TRAPPC8: variants seen among roughly 807,000 people sequenced by gnomAD.
TRAPPC8 encodes the protein trafficking protein particle complex subunit 8, also known as general sporulation gene 1 homolog.
In TRAPPC8, 54 loss-of-function variants were observed where a neutral mutation model predicts 174.3. The observed-to-expected ratio is 0.31, with a 90% CI of 0.25 to 0.39. The LOEUF is 0.39. TRAPPC8 is among the 10% of genes least tolerant of loss of function. The probability of loss-of-function intolerance (pLI) is 1.00; values close to 1 mark genes in which losing one functional copy is unlikely to be tolerated. For synonymous variants in TRAPPC8, 630 were observed against 579.9 expected (o/e 1.09, Z -1.24); for missense variants, 1,531 against 1,699.1 (o/e 0.90, Z 1.74).
intron 22 of TRAPPC8, 26 bp from the exon 23 acceptor site, chr18:31,852,689 A>C: frequency 1.3e-6 from 2 of 1,593,878 alleles, no homozygotes; most frequent in Non-Finnish European, 1.7e-6. Flanking sequence ...GAAATTTCAA[A>C]GATGTTTCTC....
intron 22 of TRAPPC8, 156 bp from the exon 23 acceptor site, chr18:31,852,819 G>A (rs2033782648): frequency 1.5e-6 from 1 of 658,766 alleles, no homozygotes; most frequent in African/African-American, 1.8e-5. Context: ...TCAATGAAAT[G>A]ACCTCTTAAA....
intron 11 of TRAPPC8, among the ~76,000 whole-genome samples, chr18:31,895,255 T>G (rs527762331): frequency 6.6e-6 from 1 of 152,234 alleles, no homozygotes; most frequent in African/African-American, 2.4e-5. Context: ...CCTTTCTAGT[T>G]AACAAAATAC....
rs2032251343 is a variant in TRAPPC8 at position 31,829,771 on chromosome 18, T to A, written c.*984A>T. On this transcript the variant is annotated 3_prime_UTR_variant, in exon 29 of 29. Transcript: ENST00000283351. ...CTCCCTGCCACCCACTCCTACACCC[T>A]GTCTTCCCTCCTTCTCCAATGACAA... 1 of 152,350 alleles carries A rather than the reference T, an allele frequency of 6.6e-6. No homozygotes were observed. Among genetic ancestry groups the A allele is most frequent in the African/African-American group, 2.4e-5 (1 of 41,458 alleles). The allele number at this position is 152,350 out of a possible 1,614,324, so 9.4% of individuals were successfully genotyped here.
intron 1 of TRAPPC8, among the ~76,000 whole-genome samples, chr18:31,936,437 C>A (rs1481742683): frequency 1.3e-5 from 2 of 152,080 alleles, no homozygotes; most frequent in African/African-American, 4.8e-5. Context: ...TGTATCCAGC[C>A]TAGGTGACAA....
intron 5 of TRAPPC8, among the ~76,000 whole-genome samples, chr18:31,910,513 G>A (rs1361238364): frequency 6.6e-6 from 1 of 152,154 alleles, no homozygotes; most frequent in African/African-American, 2.4e-5. Flanking sequence ...TATTTTGAAA[G>A]TTGTCTTAAT....
chr18:31,897,978 C>T (rs566870608), intron 10 of TRAPPC8, 87 bp from the exon 11 acceptor site: 2 of 1,195,560 alleles, frequency 1.7e-6, no homozygotes, highest in East Asian at 5.1e-5. Flanking sequence ...ATTCCAATTA[C>T]AGTTTTAGAG....
At chr18:31,877,703 C>A (rs1481944505) in intron 12 of TRAPPC8, among the ~76,000 whole-genome samples, 1 of 150,824 alleles carries the variant, frequency 6.6e-6, no homozygotes, top group Non-Finnish European at 1.5e-5. Context: ...GCGGGTGGAT[C>A]ACCTGAGGTT....
At chr18:31,868,248 T>A (rs1378158824) in intron 16 of TRAPPC8, among the ~76,000 whole-genome samples, 1 of 152,160 alleles carries the variant, frequency 6.6e-6, no homozygotes, top group African/African-American at 2.4e-5. Flanking sequence ...ATGACATTAT[T>A]TAGCACAAGA....
At chr18:31,861,939 G>A (rs1344946201) in intron 19 of TRAPPC8, among the ~76,000 whole-genome samples, 9 of 64,464 alleles carry the variant, frequency 1.4e-4, no homozygotes, top group South Asian at 3.8e-4. Flanking sequence ...AAAAAAAAGG[G>A]GGGGGGGGGC....
At chr18:31,928,154 T>TAAAAA (rs905401658) in intron 2 of TRAPPC8, among the ~76,000 whole-genome samples, 1 of 147,732 alleles carries the variant, frequency 6.8e-6, no homozygotes, top group Non-Finnish European at 1.5e-5. Flanking sequence ...AGACTCCGAC[T>TAAAAA]AAAAAAAATA....
intron 1 of TRAPPC8, among the ~76,000 whole-genome samples, chr18:31,935,871 G>T (rs1170891844): frequency 3.3e-5 from 5 of 151,748 alleles, no homozygotes; most frequent in African/African-American, 7.3e-5. Flanking sequence ...GAGTAGCTGG[G>T]ATTACAGGCG....
chr18:31,846,173 T>C (rs1407369038), intron 26 of TRAPPC8, among the ~76,000 whole-genome samples: 1 of 152,164 alleles, frequency 6.6e-6, no homozygotes, highest in Non-Finnish European at 1.5e-5. Flanking sequence ...CATAACTGCA[T>C]CTTAATACTC....
Position 31,910,206 on chromosome 18 carries a change from A to G in TRAPPC8, c.772-446T>C, listed in dbSNP as rs1027829804. 1.8e-4 allele frequency among the ~76,000 whole-genome samples: 27 copies of G among 152,144 alleles called. 1 individual carries two copies. The highest frequency in any genetic ancestry group is 1.5e-5 in the Non-Finnish European group (1 of 67,998). ...TGTAAGCAGGTTGGAGTGAATTCTGAATATACTGAAGTGTTTTAGAAAAAT... is the reference window on the plus strand; with the variant it reads ...TGTAAGCAGGTTGGAGTGAATTCTGGATATACTGAAGTGTTTTAGAAAAAT... On this transcript the variant is annotated intron_variant, in intron 5 of 28. Coordinates refer to ENST00000283351, the MANE Select transcript of TRAPPC8 (RefSeq NM_014939.5).
chr18:31,940,001 T>C (rs536182992), intron 1 of TRAPPC8, among the ~76,000 whole-genome samples: 4 of 152,326 alleles, frequency 2.6e-5, no homozygotes, highest in Admixed American at 6.5e-5. Context: ...CAGCTGCATA[T>C]GGCTACTGAG....
At chr18:31,934,274 A>C (rs537193182) in intron 1 of TRAPPC8, among the ~76,000 whole-genome samples, 1 of 152,214 alleles carries the variant, frequency 6.6e-6, no homozygotes, top group East Asian at 1.9e-4. Context: ...TAGAAAGAAA[A>C]CTTCAACCTG....
chr18:31,865,871 T>C (rs1344767073), intron 18 of TRAPPC8, among the ~76,000 whole-genome samples: 1 of 151,666 alleles, frequency 6.6e-6, no homozygotes, highest in Admixed American at 6.6e-5. Context: ...AACCAAAAAA[T>C]ACAAATACAG....
intron 12 of TRAPPC8, among the ~76,000 whole-genome samples, chr18:31,885,444 A>G (rs1413611719): frequency 1.3e-5 from 2 of 152,210 alleles, no homozygotes; most frequent in Admixed American, 1.3e-4. Context: ...CATGCATGAG[A>G]TGACTGTCAA....
chr18:31,931,550 GA>G (rs1254878739), intron 1 of TRAPPC8, 27 bp from the exon 2 acceptor site: 1 of 1,525,768 alleles, frequency 6.6e-7, no homozygotes, highest in Admixed American at 2.1e-5. Context: ...AAAAAAACTT[GA>G]AATTAATTCT....
chr18:31,871,972 T>C (rs1425099795), intron 14 of TRAPPC8, among the ~76,000 whole-genome samples: 2 of 152,094 alleles, frequency 1.3e-5, no homozygotes, highest in Admixed American at 1.3e-4. Context: ...ATATATGCAT[T>C]TATATAAAAT....
Sources: allele counts gnomAD v4.1 joint callset (sites outside exome capture counted in the v4.1 genomes callset), GRCh38; gene constraint gnomAD v4.1.1; transcripts MANE v1.5; gene names NCBI Gene and HGNC (gene_info 2026-07-23, HGNC 2026-07-21).